SLC4A4: variants seen among roughly 807,000 people sequenced by gnomAD.
SLC4A4 encodes the protein solute carrier family 4 member 4.
Under a neutral mutation model 111.5 loss-of-function variants are expected in SLC4A4, and 27 were observed. That is an observed-to-expected ratio of 0.24 (90% CI 0.18 to 0.33). SLC4A4 has a LOEUF of 0.33. Among genes scored for constraint, SLC4A4 ranks in the 10% least tolerant of loss-of-function variants. The pLI is 1.00. For missense variants in SLC4A4, 909 were observed against 1,315.5 expected, an observed-to-expected ratio of 0.69 and a Z score of 4.78; for synonymous variants, 443 against 463.4, an observed-to-expected ratio of 0.96 and a Z score of 0.57.
intron 22 of SLC4A4, 140 bp downstream of exon 22, chr4:71,558,025 T>C (rs972665372): frequency 8.4e-6 from 6 of 713,306 alleles, no homozygotes; most frequent in Non-Finnish European, 2.5e-6. Context: ...TCAGTTGTAA[T>C]TTACATTTCC....
chr4:71,503,689 G>A (rs1731145919), intron 16 of SLC4A4, among the ~76,000 whole-genome samples: 2 of 151,938 alleles, frequency 1.3e-5, no homozygotes, highest in African/African-American at 4.8e-5. Flanking sequence ...ACCATTTTAA[G>A]TTTAAACCTT....
chr4:71,268,472 C>T (rs563648907), intron 3 of SLC4A4, among the ~76,000 whole-genome samples: 4 of 152,148 alleles, frequency 2.6e-5, no homozygotes, highest in Admixed American at 6.5e-5. Context: ...GTGTTTATGG[C>T]GATTTATACT....
rs1039384358 is a variant in SLC4A4, at chr4:71,339,014, G to A, written c.254-356G>A. The A allele has an allele frequency of 1.3e-5, 18 of 1,400,612 alleles. No individual in the cohort carries two copies. In the African/African-American group the frequency reaches 1.7e-4, roughly 14 times the overall value. 86.8% of individuals were successfully genotyped at this position (1,400,612 alleles called of 1,614,324 possible). A position where few individuals can be genotyped will look rare whatever the true frequency, so the allele number is the denominator to read the frequency against. ...ATGAAAAAGTGACTGGTTCAAGCTGGCTTTTGTCTTATAATTTTGGATGAG... is the reference window on the plus strand; with the variant it reads ...ATGAAAAAGTGACTGGTTCAAGCTGACTTTTGTCTTATAATTTTGGATGAG... On this transcript the variant is annotated intron_variant, in intron 3 of 25. Coordinates refer to ENST00000264485, the MANE Select transcript of SLC4A4 (RefSeq NM_001098484.3).
intron 2 of SLC4A4, among the ~76,000 whole-genome samples, chr4:71,136,061 C>A (rs2148963921): frequency 6.6e-6 from 1 of 152,348 alleles, no homozygotes; most frequent in Non-Finnish European, 1.5e-5. Flanking sequence ...CTTAAACATT[C>A]TTTTCCCACC....
chr4:71,562,946 T>A (rs979567606), intron 23 of SLC4A4, among the ~76,000 whole-genome samples: 1 of 151,796 alleles, frequency 6.6e-6, no homozygotes, highest in Admixed American at 6.6e-5. Context: ...TATTTTCAAC[T>A]AAAAACCATC....
chr4:71,085,583 T>C (rs1019711861), intron 1 of SLC4A4, among the ~76,000 whole-genome samples: 1 of 152,088 alleles, frequency 6.6e-6, no homozygotes, highest in Non-Finnish European at 1.5e-5. Context: ...AATTTTTGTA[T>C]AAGGGGTAAG....
chr4:71,436,666 A>G (rs920246168), intron 7 of SLC4A4, among the ~76,000 whole-genome samples: 15 of 152,228 alleles, frequency 9.9e-5, no homozygotes, highest in African/African-American at 3.6e-4. Flanking sequence ...GCTGGCTACT[A>G]CTTAGGAGAT....
Position 71,218,948 on chromosome 4 carries a change from CCTT to C in SLC4A4, c.-1-17618_-1-17616del, listed in dbSNP as rs371601749. On this transcript the variant is annotated intron_variant, in intron 1 of 25. Transcript: ENST00000264485. Reference sequence around the variant, plus strand: ...GGGACTATGCTGTCACTGGGAACATCCTTCTTCTTCTTTTCCCTTGTATCCCAT... The same window carrying C: ...GGGACTATGCTGTCACTGGGAACATCCTTCTTCTTTTCCCTTGTATCCCAT... Among the ~76,000 whole-genome samples, 60 of 152,228 alleles carry C rather than the reference CCTT, an allele frequency of 3.9e-4. No homozygotes were observed. In the South Asian group the frequency reaches 9.1e-3, roughly 23 times the overall value.
At chr4:71,311,890 T>TGAGAGAGAGAGAGAGAGAGAGAGA (rs761331086) in intron 3 of SLC4A4, among the ~76,000 whole-genome samples, 2 of 76,608 alleles carry the variant, frequency 2.6e-5, no homozygotes, top group Non-Finnish European at 5.3e-5. Flanking sequence ...TGCAAGGCTG[T>TGAGAGAGAGAGAGAGAGAGAGAGA]GAGAGAGAGA....
Position 71,557,709 on chromosome 4 carries a change from C to CA in SLC4A4, c.2764-2dup, listed in dbSNP as rs148961885. The CA allele has an allele frequency of 8.5e-4, 1,375 of 1,612,524 alleles. 14 individuals are homozygous for CA. The African/African-American group carries it at 0.016, about 19-fold the overall frequency. ...TTGGACTCCTTTCCTCTTTCCTCCC[C>CA]AGTTCATGGATCGTCTGAAGCTGCT... On this transcript the variant is annotated splice_region_variant and splice_polypyrimidine_tract_variant and intron_variant, in intron 21 of 25. Transcript: ENST00000264485.
intron 2 of SLC4A4, among the ~76,000 whole-genome samples, chr4:71,147,666 T>C (rs988676186): frequency 1.3e-5 from 2 of 152,140 alleles, no homozygotes; most frequent in African/African-American, 4.8e-5. Flanking sequence ...CATTGTGACA[T>C]GGAACATCAC....
At chr4:71,358,244 G>A (rs1400980708) in intron 6 of SLC4A4, among the ~76,000 whole-genome samples, 1 of 151,942 alleles carries the variant, frequency 6.6e-6, no homozygotes, top group Non-Finnish European at 1.5e-5. Flanking sequence ...AAACCCGGGA[G>A]GGGGAGGTTG....
chr4:71,129,784 C>CA (rs35737857), intron 2 of SLC4A4, among the ~76,000 whole-genome samples: 244 of 75,184 alleles, frequency 3.2e-3, no homozygotes, highest in East Asian at 4.4e-3. Context: ...TACCATGCAC[C>CA]AAAAAAAAAA....
At chr4:71,296,628 A>T (rs1724815690) in intron 3 of SLC4A4, among the ~76,000 whole-genome samples, 1 of 152,180 alleles carries the variant, frequency 6.6e-6, no homozygotes, top group Admixed American at 6.5e-5. Flanking sequence ...ATATGATTTG[A>T]TGATTTCTAC....
rs76036627 is a variant in SLC4A4 at position 71,412,221 on chromosome 4, A to C, written c.807+14568A>C. On this transcript the variant is annotated intron_variant, in intron 7 of 25. Transcript: ENST00000264485. ...GAAAAATCCTACTTTATTTGAACAG[A>C]GAATTTATGACTTTCAGCAGATTTA... 3.6e-3 allele frequency among the ~76,000 whole-genome samples: 543 copies of C among 152,334 alleles called. 3 individuals carry two copies. Among genetic ancestry groups the C allele is most frequent in the African/African-American group, 0.012 (509 of 41,580 alleles).
At chr4:71,455,614 C>T (rs1560523965) in intron 12 of SLC4A4, among the ~76,000 whole-genome samples, 5 of 152,120 alleles carry the variant, frequency 3.3e-5, no homozygotes, top group Non-Finnish European at 5.9e-5. Flanking sequence ...GCGGTAAGAA[C>T]AAAACTGTCT....
chr4:71,396,775 G>A (rs909546948), intron 6 of SLC4A4, among the ~76,000 whole-genome samples: 1 of 152,150 alleles, frequency 6.6e-6, no homozygotes, highest in African/African-American at 2.4e-5. Context: ...GTGTATGATA[G>A]TGTCTGAAAT....
intron 2 of SLC4A4, among the ~76,000 whole-genome samples, chr4:71,164,621 AC>A (rs1744695281): frequency 6.6e-6 from 1 of 152,120 alleles, no homozygotes; most frequent in Non-Finnish European, 1.5e-5. Flanking sequence ...CCTAGGCAAT[AC>A]CATTCAGGAC....
At chr4:71,076,062 T>C (rs148316932) in intron 1 of SLC4A4, among the ~76,000 whole-genome samples, 1 of 152,226 alleles carries the variant, frequency 6.6e-6, no homozygotes, top group East Asian at 1.9e-4. Context: ...CTACTTCATG[T>C]TTGCTTATTG....
Sources: gnomAD v4.1 joint callset for allele counts (sites outside exome capture counted in the v4.1 genomes callset) on GRCh38, gnomAD v4.1.1 for gene constraint, MANE v1.5 for transcripts, NCBI Gene and HGNC (gene_info 2026-07-23, HGNC 2026-07-21) for gene names.